Variants in LRP1B observed in about 807,000 individuals in gnomAD.
LRP1B encodes the protein low-density lipoprotein receptor-related protein 1B.
Under a neutral mutation model 556.6 loss-of-function variants are expected in LRP1B, and 217 were observed. The ratio of observed to expected loss-of-function variants is 0.39; its 90% CI spans 0.35 to 0.44. LRP1B has a LOEUF of 0.44. LRP1B is among the 20% of genes least tolerant of loss of function. The pLI is 1.00. For missense variants in LRP1B, 5,053 were observed against 5,620.8 expected (o/e 0.90, Z 3.23); for synonymous variants, 2,047 against 1,865.8 (o/e 1.10, Z -2.50).
intron 82 of LRP1B, among the ~76,000 whole-genome samples, chr2:140,319,380 T>A (rs1266536017): frequency 1.3e-5 from 2 of 152,070 alleles, no homozygotes; most frequent in African/African-American, 2.4e-5. Flanking sequence ...ATTTTCTAAG[T>A]AGATACAGTA....
intron 46 of LRP1B, among the ~76,000 whole-genome samples, chr2:140,535,428 ACT>A (rs913797066): frequency 3.9e-5 from 6 of 152,118 alleles, no homozygotes; most frequent in Non-Finnish European, 8.8e-5. Flanking sequence ...ATTACATTAG[ACT>A]CTCATTTTAA....
At chr2:142,041,611 C>A (rs1010141612) in intron 1 of LRP1B, among the ~76,000 whole-genome samples, 1 of 151,336 alleles carries the variant, frequency 6.6e-6, no homozygotes, top group Non-Finnish European at 1.5e-5. Flanking sequence ...ATTTTTCAAG[C>A]ACATATTTTG....
intron 2 of LRP1B, among the ~76,000 whole-genome samples, chr2:141,779,506 G>A (rs1454561642): frequency 1.4e-5 from 2 of 145,666 alleles, no homozygotes; most frequent in African/African-American, 5.1e-5. Flanking sequence ...TGCAACCTCT[G>A]CCCAGGTTCA....
At chr2:141,279,226 T>G (rs964510629) in intron 3 of LRP1B, among the ~76,000 whole-genome samples, 68 of 152,070 alleles carry the variant, frequency 4.5e-4, no homozygotes, top group African/African-American at 1.6e-3. Context: ...TGCACCTAAT[T>G]TTTTAAATGT....
In LRP1B at chr2:140,851,584, G is replaced by A. The variant is rs1044901055; in HGVS notation, c.4711+68C>T. 2.6e-6 allele frequency: 4 copies of A among 1,542,190 alleles called. No individual in the cohort carries two copies. In the Admixed American group the frequency reaches 6.4e-5, roughly 25 times the overall value. The stretch of plus-strand genomic sequence containing the variant: ...CTCTGCTTTAATATGAGTAAAATCT[G>A]AATGCTAATATAATTTGAGAGAATT... On this transcript the variant is annotated intron_variant, in intron 28 of 90. Coordinates refer to ENST00000389484, the MANE Select transcript of LRP1B (RefSeq NM_018557.3).
rs376670298 is a variant in LRP1B at position 141,304,703 on chromosome 2, G to C, written c.344-50062C>G. On this transcript the variant is annotated intron_variant, in intron 3 of 90. Coordinates refer to ENST00000389484, the MANE Select transcript of LRP1B (RefSeq NM_018557.3). ...TTTAGTAGAGATGGGGTTTCACCAT[G>C]TTGGCCAGTCTGGTCTCGAACTCCT... Among the ~76,000 whole-genome samples, 24 of 151,762 alleles carry C rather than the reference G, an allele frequency of 1.6e-4. 1 individual carries two copies. The South Asian group carries it at 5.0e-3, about 32-fold the overall frequency.
At chr2:141,930,869 A>T (rs889079337) in intron 1 of LRP1B, among the ~76,000 whole-genome samples, 13 of 152,050 alleles carry the variant, frequency 8.5e-5, no homozygotes, top group Non-Finnish European at 1.2e-4. Flanking sequence ...TTATATTTTC[A>T]TATTTCCAAC....
At chr2:141,544,384 C>CTT (rs1559131566) in intron 2 of LRP1B, among the ~76,000 whole-genome samples, 3 of 40,782 alleles carry the variant, frequency 7.4e-5, no homozygotes, top group African/African-American at 2.2e-4. Flanking sequence ...TTCTTCTTCT[C>CTT]CTCCTCCTCC....
At chr2:141,685,161 A>G (rs1047024086) in intron 2 of LRP1B, among the ~76,000 whole-genome samples, 11 of 152,108 alleles carry the variant, frequency 7.2e-5, no homozygotes, top group Admixed American at 4.6e-4. Flanking sequence ...TCTAACTTAC[A>G]TATCATTCCT....
intron 84 of LRP1B, among the ~76,000 whole-genome samples, chr2:140,293,189 C>T (rs1683462852): frequency 6.6e-6 from 1 of 152,084 alleles, no homozygotes; most frequent in African/African-American, 2.4e-5. Flanking sequence ...GACACAGATC[C>T]AACTGGTCTT....
intron 3 of LRP1B, among the ~76,000 whole-genome samples, chr2:141,363,472 G>T (rs571098785): frequency 1.7e-4 from 26 of 151,974 alleles, no homozygotes; most frequent in African/African-American, 6.0e-4. Context: ...TCTTATTTTC[G>T]TTACTAAATT....
intron 37 of LRP1B, among the ~76,000 whole-genome samples, chr2:140,709,123 C>A (rs1210595836): frequency 2.6e-5 from 4 of 152,026 alleles, no homozygotes; most frequent in African/African-American, 7.2e-5. Flanking sequence ...TAATTTGAGT[C>A]TTTGCCATGG....
At chr2:140,973,901 C>A (rs968082685) in intron 18 of LRP1B, among the ~76,000 whole-genome samples, 2 of 152,068 alleles carry the variant, frequency 1.3e-5, no homozygotes, top group Admixed American at 1.3e-4. Flanking sequence ...GAATATTAAT[C>A]TCTCATTTTA....
intron 20 of LRP1B, among the ~76,000 whole-genome samples, chr2:140,934,841 C>G (rs964524924): frequency 6.6e-6 from 1 of 152,282 alleles, no homozygotes; most frequent in Middle Eastern, 3.4e-3. Context: ...CTCTTACTTT[C>G]ATTTCATTTT....
At chr2:141,516,430 G>A (rs1311405404) in intron 2 of LRP1B, among the ~76,000 whole-genome samples, 7 of 151,954 alleles carry the variant, frequency 4.6e-5, no homozygotes, top group Non-Finnish European at 7.4e-5. Context: ...CAAGATTTTC[G>A]ACTTAGATTT....
rs549320128 is a variant in LRP1B at position 140,948,640 on chromosome 2, A to G, written c.3136+1595T>C. 8.5e-5 allele frequency among the ~76,000 whole-genome samples: 13 copies of G among 152,350 alleles called. No homozygotes were observed. The South Asian group carries it at 2.5e-3, about 29-fold the overall frequency. ...ATGTTAAATCTTATAGGATGTCACA[A>G]ATAATTTCTTCGTTTCTGTTTTTAT... On this transcript the variant is annotated intron_variant, in intron 20 of 90. Coordinates refer to ENST00000389484, the MANE Select transcript of LRP1B (RefSeq NM_018557.3).
intron 66 of LRP1B, among the ~76,000 whole-genome samples, chr2:140,401,596 A>G (rs1331783827): frequency 1.3e-5 from 2 of 152,192 alleles, no homozygotes; most frequent in South Asian, 2.1e-4. Context: ...TGGTAGCTTA[A>G]CACAAAGGAC....
At chr2:140,547,043 A>G (rs1053187077) in intron 43 of LRP1B, among the ~76,000 whole-genome samples, 5 of 152,076 alleles carry the variant, frequency 3.3e-5, no homozygotes, top group African/African-American at 9.7e-5. Flanking sequence ...GTGCTGCTGG[A>G]TTCAGTTTGC....
chr2:140,806,648 A>G (rs1435222197), intron 32 of LRP1B, among the ~76,000 whole-genome samples: 2 of 152,178 alleles, frequency 1.3e-5, no homozygotes, highest in Non-Finnish European at 2.9e-5. Flanking sequence ...TGATATGCTG[A>G]CCATTAAGTA....
Sources: gnomAD v4.1 joint callset for allele counts (sites outside exome capture counted in the v4.1 genomes callset) on GRCh38, gnomAD v4.1.1 for gene constraint, MANE v1.5 for transcripts, NCBI Gene and HGNC (gene_info 2026-07-23, HGNC 2026-07-21) for gene names.